The following TNRC6B variants were observed in gnomAD, a reference collection of about 807,000 sequenced individuals.
The protein encoded by TNRC6B is trinucleotide repeat containing adaptor 6B, also known as trinucleotide repeat-containing gene 6B protein.
TNRC6B carries 52 observed loss-of-function variants against 203.6 expected under a neutral mutation model. The ratio of observed to expected loss-of-function variants is 0.26; its 90% CI spans 0.20 to 0.32. TNRC6B has a LOEUF of 0.32. TNRC6B is among the 10% of genes least tolerant of loss of function. TNRC6B has a pLI of 1.00. For synonymous variants in TNRC6B, 838 were observed against 845.7 expected, an observed-to-expected ratio of 0.99 and a Z score of 0.16; for missense variants, 1,923 against 2,286.2, an observed-to-expected ratio of 0.84 and a Z score of 3.24.
At chr22:40,257,895 C>T (rs561189140) in intron 3 of TNRC6B, among the ~76,000 whole-genome samples, 2 of 149,838 alleles carry the variant, frequency 1.3e-5, no homozygotes, top group Non-Finnish European at 3.0e-5. Context: ...TGGTGGTGCA[C>T]GCCAGCTACT....
At chr22:40,275,634 C>G (rs2146515223) in intron 7 of TNRC6B, among the ~76,000 whole-genome samples, 1 of 152,216 alleles carries the variant, frequency 6.6e-6, no homozygotes, top group African/African-American at 2.4e-5. Flanking sequence ...CCCCATTCCC[C>G]CCTCCCTCTA....
At chr22:40,296,028 G>A (rs533060723) in intron 12 of TNRC6B, among the ~76,000 whole-genome samples, 2 of 152,188 alleles carry the variant, frequency 1.3e-5, no homozygotes, top group South Asian at 2.1e-4. Context: ...TTTCCTGCCC[G>A]CATTCTGAAT....
chr22:40,124,753 G>A (rs1193035851), intron 2 of TNRC6B, among the ~76,000 whole-genome samples: 1 of 152,024 alleles, frequency 6.6e-6, no homozygotes, highest in Non-Finnish European at 1.5e-5. Context: ...GGTGGCTCAC[G>A]CCTGTAATCC....
chr22:40,076,472 C>G (rs2068014522), intron 1 of TNRC6B, among the ~76,000 whole-genome samples: 1 of 152,130 alleles, frequency 6.6e-6, no homozygotes, highest in South Asian at 2.1e-4. Flanking sequence ...TTTTTGAAGG[C>G]TATTTTTGCT....
At chr22:40,065,661 T>C (rs965773413) in intron 1 of TNRC6B, among the ~76,000 whole-genome samples, 37 of 152,282 alleles carry the variant, frequency 2.4e-4, no homozygotes, top group African/African-American at 8.9e-4. Flanking sequence ...GGTGGATCTT[T>C]GTGTATCTCT....
chr22:40,227,449 A>G (rs2069806477), intron 1 of TNRC6B, among the ~76,000 whole-genome samples: 1 of 139,616 alleles, frequency 7.2e-6, no homozygotes, highest in Admixed American at 8.1e-5. Context: ...TCCCAGGTTC[A>G]AGCAATTCTG....
intron 1 of TNRC6B, among the ~76,000 whole-genome samples, chr22:40,225,250 A>ATGGAGGCAAAAGAACTTTGAAGAAGGTGT (rs2069767155): frequency 6.6e-6 from 1 of 152,176 alleles, no homozygotes; most frequent in Non-Finnish European, 1.5e-5. Context: ...ATTTTGAGAG[A>ATGGAGGCAAAAGAACTTTGAAGAAGGTGT]TGGAGGCAAA....
chr22:40,157,044 G>A (rs1286908202), intron 4 of TNRC6B, among the ~76,000 whole-genome samples: 2 of 151,986 alleles, frequency 1.3e-5, no homozygotes, highest in Admixed American at 1.3e-4. Flanking sequence ...CAAAGTGCTG[G>A]GATTGCAGGT....
intron 12 of TNRC6B, among the ~76,000 whole-genome samples, chr22:40,298,365 T>A (rs2146544528): frequency 6.6e-6 from 1 of 152,238 alleles, no homozygotes; most frequent in Middle Eastern, 3.4e-3. Flanking sequence ...GTTAGACTAC[T>A]CTAGAAAATA....
At chr22:40,304,439 A>ATTG (rs1162118139) in intron 15 of TNRC6B, among the ~76,000 whole-genome samples, 2 of 152,214 alleles carry the variant, frequency 1.3e-5, no homozygotes, top group East Asian at 3.8e-4. Context: ...ACCTAATTGA[A>ATTG]TTGTTAGGTG....
upstream of TNRC6B, among the ~76,000 whole-genome samples, chr22:40,176,493 G>C (rs887713766): frequency 5.3e-5 from 8 of 151,968 alleles, no homozygotes; most frequent in African/African-American, 1.9e-4. Context: ...AGATGAATGC[G>C]AGTTTCTGGG....
chr22:40,253,145 G>A (rs1283382949), intron 3 of TNRC6B, among the ~76,000 whole-genome samples: 1 of 148,154 alleles, frequency 6.7e-6, no homozygotes, highest in East Asian at 2.0e-4. Flanking sequence ...TCACCCAGGC[G>A]ATCTCGGCTC....
intron 3 of TNRC6B, among the ~76,000 whole-genome samples, chr22:40,128,571 C>CA (rs1336214493): frequency 4.8e-5 from 7 of 147,076 alleles, no homozygotes; most frequent in African/African-American, 1.9e-4. Context: ...TCACGGCTCA[C>CA]GGCTCACAGC....
intron 21 of TNRC6B, among the ~76,000 whole-genome samples, chr22:40,317,134 T>C (rs1430248237): frequency 6.6e-6 from 1 of 152,216 alleles, no homozygotes; most frequent in African/African-American, 2.4e-5. Context: ...TCAACTAAGT[T>C]CTTTGTTTCT....
intron 12 of TNRC6B, among the ~76,000 whole-genome samples, chr22:40,296,326 A>ATTTTTTTTTTTTTTTTTTTTTTTTTTT (rs951987835): frequency 8.0e-6 from 1 of 125,462 alleles, no homozygotes; most frequent in Non-Finnish European, 1.7e-5. Context: ...AGAATGGTGA[A>ATTTTTTTTTTTTTTTTTTTTTTTTTTT]TTTTTTTTTT....
chr22:40,285,850 C>A, intron 12 of TNRC6B, 80 bp downstream of exon 12: 1 of 1,528,772 alleles, frequency 6.5e-7, no homozygotes, highest in South Asian at 1.3e-5. Flanking sequence ...TTTTTGTGGG[C>A]ATAAAAAGAA....
At chr22:40,077,460 A>C (rs1316427702) in intron 1 of TNRC6B, among the ~76,000 whole-genome samples, 1 of 152,136 alleles carries the variant, frequency 6.6e-6, no homozygotes, top group African/African-American at 2.4e-5. Flanking sequence ...AGAAGTTGAG[A>C]TCTCATTCAA....
At chr22:40,170,313 T>TTA (rs1017668919) in intron 4 of TNRC6B, among the ~76,000 whole-genome samples, 13 of 88,840 alleles carry the variant, frequency 1.5e-4, no homozygotes, top group Non-Finnish European at 2.2e-4. Flanking sequence ...AATATATATT[T>TTA]TATATATATT....
rs1453016774 is a variant in TNRC6B at position 40,335,185 on chromosome 22, T to G, written c.*11944T>G. 1.4e-5 allele frequency: 2 copies of G among 147,750 alleles called. No individual in the cohort carries two copies. Among genetic ancestry groups the G allele is most frequent in the African/African-American group, 5.0e-5 (2 of 40,038 alleles). The allele number at this position is 147,750 out of a possible 1,614,324, so 9.2% of individuals were successfully genotyped here. A position where few individuals can be genotyped will look rare whatever the true frequency, so the allele number is the denominator to read the frequency against. ...GTCTTTTTTTTTTTTTTTTTTTTTT[T>G]TTTTAGCATAGAGGTTTAATCAAAC... is the stretch of plus-strand genomic sequence containing the variant. On this transcript the variant is annotated 3_prime_UTR_variant, in exon 23 of 23. Transcript: ENST00000454349.
Sources: allele counts gnomAD v4.1 joint callset (sites outside exome capture counted in the v4.1 genomes callset), GRCh38; gene constraint gnomAD v4.1.1; transcripts MANE v1.5; gene names NCBI Gene and HGNC (gene_info 2026-07-23, HGNC 2026-07-21).